Variants in ERBB4 observed in about 807,000 individuals in gnomAD.
ERBB4 encodes the protein receptor tyrosine-protein kinase erbB-4.
In ERBB4, 42 loss-of-function variants were observed where a neutral mutation model predicts 158.0. The observed-to-expected ratio is 0.27, with a 90% CI of 0.21 to 0.34. ERBB4 has a LOEUF of 0.34. Among genes scored for constraint, ERBB4 ranks in the 10% least tolerant of loss-of-function variants. The pLI is 1.00. For synonymous variants in ERBB4, 583 were observed against 558.7 expected, an observed-to-expected ratio of 1.04 and a Z score of -0.61; for missense variants, 1,333 against 1,624.1, an observed-to-expected ratio of 0.82 and a Z score of 3.08.
intron 3 of ERBB4, among the ~76,000 whole-genome samples, chr2:211,921,757 T>C (rs1187359747): frequency 6.6e-6 from 1 of 151,876 alleles, no homozygotes; most frequent in Non-Finnish European, 1.5e-5. Flanking sequence ...GACAAGTAAA[T>C]GATGAGAAGG....
intron 1 of ERBB4, among the ~76,000 whole-genome samples, chr2:212,450,455 G>A (rs1299694561): frequency 6.6e-6 from 1 of 152,100 alleles, no homozygotes; most frequent in Non-Finnish European, 1.5e-5. Flanking sequence ...GAAGCATACT[G>A]GAGTGATGAG....
intron 14 of ERBB4, among the ~76,000 whole-genome samples, chr2:211,667,114 A>G (rs1022699798): frequency 2.6e-5 from 4 of 151,984 alleles, no homozygotes; most frequent in Non-Finnish European, 5.9e-5. Context: ...AAAAATTGCA[A>G]AAAAACTCAT....
At chr2:212,290,487 G>A (rs1574611484) in intron 1 of ERBB4, among the ~76,000 whole-genome samples, 1 of 152,220 alleles carries the variant, frequency 6.6e-6, no homozygotes, top group East Asian at 1.9e-4. Flanking sequence ...AATCTCTCTT[G>A]TTTAATAGCA....
At chr2:211,398,755 C>T (rs1276517182) in intron 25 of ERBB4, among the ~76,000 whole-genome samples, 2 of 152,172 alleles carry the variant, frequency 1.3e-5, no homozygotes, top group African/African-American at 4.8e-5. Context: ...TGCTTGAACC[C>T]AAGAAGGGGA....
At chr2:212,165,140 T>A (rs2081310400) in intron 1 of ERBB4, among the ~76,000 whole-genome samples, 1 of 151,972 alleles carries the variant, frequency 6.6e-6, no homozygotes, top group Non-Finnish European at 1.5e-5. Flanking sequence ...TCCTATTTCA[T>A]TCCTAATAAA....
At chr2:212,412,780 AG>A (rs1373568817) in intron 1 of ERBB4, among the ~76,000 whole-genome samples, 2 of 152,180 alleles carry the variant, frequency 1.3e-5, no homozygotes, top group Non-Finnish European at 2.9e-5. Flanking sequence ...ATTTGAAGTG[AG>A]GACACTCTTG....
At chr2:212,277,193 T>C (rs1210964559) in intron 1 of ERBB4, among the ~76,000 whole-genome samples, 2 of 151,770 alleles carry the variant, frequency 1.3e-5, no homozygotes, top group Non-Finnish European at 2.9e-5. Context: ...CGATACACAT[T>C]GACTGAAAAG....
At chr2:212,085,372 C>A (rs193237878) in intron 2 of ERBB4, among the ~76,000 whole-genome samples, 1 of 151,908 alleles carries the variant, frequency 6.6e-6, no homozygotes, top group East Asian at 1.9e-4. Flanking sequence ...AGATAAAAGG[C>A]TGTATTTATA....
intron 1 of ERBB4, among the ~76,000 whole-genome samples, chr2:212,521,759 C>T (rs1325173144): frequency 1.3e-5 from 2 of 151,878 alleles, no homozygotes. Context: ...AGTAATTCAC[C>T]TATACTCACA....
At chr2:211,739,307 A>G (rs1201350505) in intron 5 of ERBB4, among the ~76,000 whole-genome samples, 1 of 152,172 alleles carries the variant, frequency 6.6e-6, no homozygotes, top group African/African-American at 2.4e-5. Flanking sequence ...ATCACTGTAG[A>G]CATTTGCCTC....
chr2:211,409,080 T>C (rs902983047), intron 25 of ERBB4, among the ~76,000 whole-genome samples: 3 of 152,158 alleles, frequency 2.0e-5, no homozygotes, highest in Non-Finnish European at 4.4e-5. Flanking sequence ...GTACCATCTC[T>C]TCCATCTTTT....
At chr2:211,465,401 C>A (rs560883359) in intron 20 of ERBB4, among the ~76,000 whole-genome samples, 1 of 150,346 alleles carries the variant, frequency 6.7e-6, no homozygotes, top group South Asian at 2.1e-4. Context: ...AATTTTAATG[C>A]GGCAACAGAA....
At chr2:212,203,281 G>A (rs1190929985) in intron 1 of ERBB4, among the ~76,000 whole-genome samples, 1 of 152,078 alleles carries the variant, frequency 6.6e-6, no homozygotes, top group African/African-American at 2.4e-5. Context: ...GAAGAAATTA[G>A]CTATACAGGT....
chr2:211,993,639 A>C (rs1157084726), intron 2 of ERBB4, among the ~76,000 whole-genome samples: 1 of 151,986 alleles, frequency 6.6e-6, no homozygotes, highest in Non-Finnish European at 1.5e-5. Context: ...TTAAAAAAAA[A>C]CAGGGATAGT....
chr2:211,989,055 T>C (rs1254975042), intron 2 of ERBB4, among the ~76,000 whole-genome samples: 1 of 152,042 alleles, frequency 6.6e-6, no homozygotes, highest in African/African-American at 2.4e-5. Flanking sequence ...TATGTTTTAT[T>C]TTTGGAATAG....
intron 16 of ERBB4, among the ~76,000 whole-genome samples, chr2:211,638,828 G>C (rs1045553516): frequency 3.3e-5 from 5 of 152,064 alleles, no homozygotes; most frequent in African/African-American, 1.2e-4. Context: ...AGTAGTTTCA[G>C]AGCAAACCTT....
chr2:211,595,133 GA>G (rs59228805), intron 19 of ERBB4, among the ~76,000 whole-genome samples: 2,242 of 152,256 alleles, frequency 0.015, 63 homozygotes, highest in African/African-American at 0.049. Context: ...AGTCATTGAA[GA>G]AGTACAATAT....
At chr2:212,097,159 T>C (rs1053758988) in intron 2 of ERBB4, among the ~76,000 whole-genome samples, 1 of 152,078 alleles carries the variant, frequency 6.6e-6, no homozygotes, top group Non-Finnish European at 1.5e-5. Flanking sequence ...AATCAAAGTG[T>C]AGAGACTGGG....
At chr2:212,034,741 C>G (rs1370486499) in intron 2 of ERBB4, among the ~76,000 whole-genome samples, 1 of 151,988 alleles carries the variant, frequency 6.6e-6, no homozygotes, top group Non-Finnish European at 1.5e-5. Flanking sequence ...TAGCCTTTTT[C>G]TCTTATATCA....
Sources: allele counts gnomAD v4.1 joint callset (sites outside exome capture counted in the v4.1 genomes callset), GRCh38; gene constraint gnomAD v4.1.1; transcripts MANE v1.5; gene names NCBI Gene and HGNC (gene_info 2026-07-23, HGNC 2026-07-21).